The following YAP1 variants were observed in gnomAD, a reference collection of about 807,000 sequenced individuals.
The protein encoded by YAP1 is transcriptional coactivator YAP1.
In YAP1, 5 loss-of-function variants were observed where a neutral mutation model predicts 56.9. The ratio of observed to expected loss-of-function variants is 0.09; its 90% confidence interval spans 0.05 to 0.18. The LOEUF (loss-of-function observed/expected upper bound fraction) is 0.18. Ranked by LOEUF, YAP1 falls within the 10% of genes least tolerant of loss-of-function variation. The pLI is 1.00. For missense variants in YAP1, 539 were observed against 651.8 expected (o/e 0.83, Z 1.88); for synonymous variants, 265 against 248.1 (o/e 1.07, Z -0.64).
At chr11:102,183,448 AC>A (rs749671352) in intron 3 of YAP1, among the ~76,000 whole-genome samples, 1 of 152,078 alleles carries the variant, frequency 6.6e-6, no homozygotes, top group Non-Finnish European at 1.5e-5. Context: ...AAGAAGAGAA[AC>A]CCCTGGTGAC....
At chr11:102,113,071 A>T (rs546050420) in intron 1 of YAP1, among the ~76,000 whole-genome samples, 3 of 152,232 alleles carry the variant, frequency 2.0e-5, no homozygotes, top group African/African-American at 7.2e-5. Context: ...TTCCTAAATC[A>T]TACTTATTCT....
intron 4 of YAP1, among the ~76,000 whole-genome samples, chr11:102,204,656 A>G (rs749679438): frequency 3.3e-5 from 5 of 152,212 alleles, no homozygotes; most frequent in Non-Finnish European, 5.9e-5. Context: ...TAAAAATCAC[A>G]AGGAGTTTGC....
intron 2 of YAP1, among the ~76,000 whole-genome samples, chr11:102,146,788 C>T (rs555785350): frequency 6.6e-6 from 1 of 152,264 alleles, no homozygotes; most frequent in East Asian, 1.9e-4. Flanking sequence ...TCTGTGCTTG[C>T]CTTGCTTCTG....
At chr11:102,157,005 T>C (rs1945991871) in intron 2 of YAP1, among the ~76,000 whole-genome samples, 1 of 152,240 alleles carries the variant, frequency 6.6e-6, no homozygotes, top group African/African-American at 2.4e-5. Context: ...CAGATTATAG[T>C]GTGGTGTACA....
At chr11:102,158,347 T>G (rs1429782303) in intron 2 of YAP1, among the ~76,000 whole-genome samples, 1 of 152,214 alleles carries the variant, frequency 6.6e-6, no homozygotes, top group Non-Finnish European at 1.5e-5. Context: ...TGCTTTATCA[T>G]GGACACAAAA....
intron 8 of YAP1, among the ~76,000 whole-genome samples, chr11:102,228,363 G>T (rs1000052598): frequency 6.6e-6 from 1 of 151,852 alleles, no homozygotes; most frequent in African/African-American, 2.4e-5. Context: ...GGCCAGGTGC[G>T]GTGGCTTAAA....
At position 102,130,720 on chromosome 11, in the gene YAP1, CT is replaced by C. The variant is rs61175592; in HGVS notation, c.572+16350del. Among the ~76,000 whole-genome samples, 970 of 98,102 alleles carry C rather than the reference CT, an allele frequency of 9.9e-3. 1 individual carries two copies. Among genetic ancestry groups the C allele is most frequent in the African/African-American group, 0.025 (698 of 28,484 alleles). 64.4% of individuals were successfully genotyped at this position (98,102 alleles called of 152,430 possible). The stretch of plus-strand genomic sequence containing the variant: ...ACCTGACCTCTCCTGGATAACTACT[CT>C]TTTTTTTTTTTTTTTTTTTTTTTAA... On this transcript the variant is annotated intron_variant, in intron 2 of 8. Transcript: ENST00000282441.
In YAP1 at chr11:102,230,175, C is replaced by A; in HGVS notation, c.*235C>A. On this transcript the variant is annotated 3_prime_UTR_variant, in exon 9 of 9. Coordinates refer to ENST00000282441, the MANE Select transcript of YAP1 (RefSeq NM_001130145.3). The stretch of plus-strand genomic sequence containing the variant: ...ATCAAAAGAAAAAAACTTTTTATTT[C>A]TTTTGCTATTAAAACTACTGTTCAT... 4.9e-6 allele frequency: 2 copies of A among 408,334 alleles called. No individual in the cohort carries two copies. Among genetic ancestry groups the A allele is most frequent in the South Asian group, 4.5e-5 (1 of 22,190 alleles). 25.3% of individuals were successfully genotyped at this position (408,334 alleles called of 1,614,324 possible).
chr11:102,176,227 A>G (rs921477061), intron 3 of YAP1, among the ~76,000 whole-genome samples: 1 of 152,224 alleles, frequency 6.6e-6, no homozygotes, highest in South Asian at 2.1e-4. Context: ...ATTCCCACTC[A>G]TAAAAAATGG....
chr11:102,150,802 G>GTTTTTGT (rs1555089262), intron 2 of YAP1, among the ~76,000 whole-genome samples: 1 of 108,050 alleles, frequency 9.3e-6, no homozygotes, highest in Admixed American at 1.1e-4. Flanking sequence ...CATACAAATG[G>GTTTTTGT]TTTTTTTTTT....
chr11:102,135,279 A>G (rs1944609432), intron 2 of YAP1, among the ~76,000 whole-genome samples: 1 of 152,194 alleles, frequency 6.6e-6, no homozygotes, highest in South Asian at 2.1e-4. Flanking sequence ...ATAACAAACT[A>G]CCCTAAAACT....
At chr11:102,214,119 A>T (rs1949550956) in intron 6 of YAP1, among the ~76,000 whole-genome samples, 2 of 152,182 alleles carry the variant, frequency 1.3e-5, no homozygotes, top group African/African-American at 4.8e-5. Flanking sequence ...CCCAGAAATA[A>T]AAACAACACT....
intron 2 of YAP1, among the ~76,000 whole-genome samples, chr11:102,156,426 A>G (rs1945949668): frequency 6.6e-6 from 1 of 152,192 alleles, no homozygotes; most frequent in Non-Finnish European, 1.5e-5. Flanking sequence ...TTGTTTGGGA[A>G]CCACATTTTG....
intron 1 of YAP1, among the ~76,000 whole-genome samples, chr11:102,112,232 C>A (rs1942982758): frequency 6.6e-6 from 1 of 152,108 alleles, no homozygotes. Context: ...ATTCTAGGAT[C>A]GCCATTGCTT....
intron 2 of YAP1, among the ~76,000 whole-genome samples, chr11:102,122,637 T>C (rs972687569): frequency 6.6e-6 from 1 of 152,112 alleles, no homozygotes; most frequent in Non-Finnish European, 1.5e-5. Flanking sequence ...CTCACGCCTG[T>C]AATCCCAGCA....
At chr11:102,132,416 T>A (rs1944417822) in intron 2 of YAP1, among the ~76,000 whole-genome samples, 1 of 152,244 alleles carries the variant, frequency 6.6e-6, no homozygotes, top group Non-Finnish European at 1.5e-5. Flanking sequence ...TGACTTTGGG[T>A]ATTTTTTTCA....
chr11:102,142,440 T>C (rs1341248421), intron 2 of YAP1, among the ~76,000 whole-genome samples: 1 of 152,244 alleles, frequency 6.6e-6, no homozygotes, highest in Non-Finnish European at 1.5e-5. Context: ...AGATTTTAAC[T>C]TGCAGCTGTT....
At chr11:102,167,501 A>C (rs1198807795) in intron 3 of YAP1, among the ~76,000 whole-genome samples, 1 of 152,178 alleles carries the variant, frequency 6.6e-6, no homozygotes, top group Admixed American at 6.5e-5. Flanking sequence ...TTGGGAGGCC[A>C]AGGTGGGTGG....
intron 8 of YAP1, among the ~76,000 whole-genome samples, chr11:102,228,769 C>T (rs548615098): frequency 1.3e-5 from 2 of 151,596 alleles, no homozygotes; most frequent in African/African-American, 4.8e-5. Context: ...CTAGAGTTGA[C>T]AACTGCCAGA....
Sources: gnomAD v4.1 joint callset for allele counts (sites outside exome capture counted in the v4.1 genomes callset) on GRCh38, gnomAD v4.1.1 for gene constraint, MANE v1.5 for transcripts, NCBI Gene and HGNC (gene_info 2026-07-23, HGNC 2026-07-21) for gene names.